Variants in CDH12 observed in about 807,000 individuals in gnomAD.
CDH12 encodes the protein cadherin 12, also known as cadherin-12.
In CDH12, 41 loss-of-function variants were observed where a neutral mutation model predicts 74.1. The ratio of observed to expected loss-of-function variants is 0.55; its 90% CI spans 0.43 to 0.72. The LOEUF (loss-of-function observed/expected upper bound fraction) is 0.72. Ranked by LOEUF, CDH12 falls within the 30% of genes least tolerant of loss-of-function variation. CDH12 has a pLI of 0.00. For synonymous variants in CDH12, 399 were observed against 355.0 expected (o/e 1.12, Z -1.39); for missense variants, 945 against 977.2 (o/e 0.97, Z 0.44).
intron 1 of CDH12, among the ~76,000 whole-genome samples, chr5:22,747,643 A>T (rs1745364695): frequency 6.6e-6 from 1 of 151,608 alleles, no homozygotes; most frequent in African/African-American, 2.4e-5. Context: ...AAGAAAAAAA[A>T]GTAGTAAATA....
chr5:22,174,688 G>A (rs1256849720), intron 4 of CDH12, among the ~76,000 whole-genome samples: 1 of 151,886 alleles, frequency 6.6e-6, no homozygotes, highest in African/African-American at 2.4e-5. Context: ...TTGAGGACAA[G>A]TAAAGACTGA....
chr5:22,374,765 T>G (rs533639412), intron 3 of CDH12, among the ~76,000 whole-genome samples: 17 of 151,976 alleles, frequency 1.1e-4, no homozygotes, highest in Admixed American at 6.6e-4. Context: ...GTGAAAGATT[T>G]CTACAAGGAA....
intron 3 of CDH12, among the ~76,000 whole-genome samples, chr5:22,283,631 T>C (rs574550922): frequency 4.6e-5 from 7 of 152,052 alleles, no homozygotes; most frequent in African/African-American, 1.7e-4. Flanking sequence ...GAAAGAGAAA[T>C]TTTTGTTAAA....
At chr5:21,830,145 G>A (rs752456959) in intron 8 of CDH12, among the ~76,000 whole-genome samples, 2 of 124,596 alleles carry the variant, frequency 1.6e-5, no homozygotes, top group Non-Finnish European at 3.2e-5. Context: ...GTTGCAGTGA[G>A]TCAAGATCCC....
At chr5:22,842,302 C>G (rs1322314267) in intron 1 of CDH12, among the ~76,000 whole-genome samples, 2 of 151,682 alleles carry the variant, frequency 1.3e-5, no homozygotes, top group South Asian at 4.2e-4. Flanking sequence ...TATGCATAGA[C>G]AGCTAAAAAA....
At chr5:22,395,406 T>C (rs1264827689) in intron 3 of CDH12, among the ~76,000 whole-genome samples, 1 of 152,142 alleles carries the variant, frequency 6.6e-6, no homozygotes, top group East Asian at 1.9e-4. Context: ...CTGCCTTTTT[T>C]AGTTGTTAGA....
At chr5:21,931,687 T>A (rs920961421) in intron 6 of CDH12, among the ~76,000 whole-genome samples, 1 of 152,228 alleles carries the variant, frequency 6.6e-6, no homozygotes, top group Non-Finnish European at 1.5e-5. Context: ...ATCCAATTTT[T>A]AAAATATCAT....
At chr5:22,134,469 A>G (rs1272995602) in intron 4 of CDH12, among the ~76,000 whole-genome samples, 4 of 151,748 alleles carry the variant, frequency 2.6e-5, no homozygotes, top group Non-Finnish European at 4.4e-5. Flanking sequence ...TGTGATAGGA[A>G]CTTTTGTCAC....
intron 6 of CDH12, among the ~76,000 whole-genome samples, chr5:21,973,848 C>T (rs1315963967): frequency 6.6e-6 from 1 of 152,112 alleles, no homozygotes; most frequent in African/African-American, 2.4e-5. Flanking sequence ...TGCTTCTTTC[C>T]AATTGGACTT....
intron 5 of CDH12, among the ~76,000 whole-genome samples, chr5:21,989,099 G>A (rs1757642136): frequency 6.6e-6 from 1 of 151,704 alleles, no homozygotes; most frequent in Admixed American, 6.6e-5. Flanking sequence ...GAAGAAAAAA[G>A]GGGAAAAAGA....
intron 1 of CDH12, among the ~76,000 whole-genome samples, chr5:22,688,949 G>A (rs891899829): frequency 3.9e-5 from 6 of 152,056 alleles, no homozygotes; most frequent in South Asian, 2.1e-4. Flanking sequence ...TTGAGCAGGC[G>A]TTAAATGATT....
intron 6 of CDH12, among the ~76,000 whole-genome samples, chr5:21,861,667 T>C (rs1751051471): frequency 1.3e-5 from 2 of 152,096 alleles, no homozygotes; most frequent in African/African-American, 2.4e-5. Context: ...ATTTCCTCTA[T>C]TACAAACAAT....
At chr5:22,684,037 G>A (rs1490038541) in intron 1 of CDH12, among the ~76,000 whole-genome samples, 2 of 152,190 alleles carry the variant, frequency 1.3e-5, no homozygotes, top group South Asian at 4.1e-4. Flanking sequence ...ACCTCAAAGT[G>A]CATCTTTCAA....
intron 1 of CDH12, among the ~76,000 whole-genome samples, chr5:22,816,233 G>A (rs886874015): frequency 7.2e-5 from 11 of 152,078 alleles, no homozygotes; most frequent in Non-Finnish European, 1.3e-4. Context: ...ACTTCTTTGT[G>A]AAAAGTGGTT....
chr5:22,117,512 A>T (rs62349110), intron 4 of CDH12, among the ~76,000 whole-genome samples: 2,897 of 58,388 alleles, frequency 0.05, 80 homozygotes, highest in Non-Finnish European at 0.065. Context: ...ATATATATAT[A>T]ATATATATAT....
intron 6 of CDH12, among the ~76,000 whole-genome samples, chr5:21,953,622 T>C (rs1051815131): frequency 2.0e-5 from 3 of 152,194 alleles, no homozygotes; most frequent in African/African-American, 7.2e-5. Context: ...TTCTCCACTC[T>C]TTGTTTCCAA....
At chr5:22,412,893 T>C (rs1743221016) in intron 2 of CDH12, among the ~76,000 whole-genome samples, 1 of 151,964 alleles carries the variant, frequency 6.6e-6, no homozygotes, top group South Asian at 2.1e-4. Flanking sequence ...TTTTAATGTT[T>C]CCCTTTTTCT....
intron 4 of CDH12, among the ~76,000 whole-genome samples, chr5:22,082,099 A>G (rs934832519): frequency 3.0e-4 from 45 of 152,256 alleles, no homozygotes; most frequent in African/African-American, 1.0e-3. Context: ...TTTCCATCTT[A>G]ACTAAGCCCA....
chr5:22,319,722 A>G (rs1272503239), intron 3 of CDH12, among the ~76,000 whole-genome samples: 1 of 152,134 alleles, frequency 6.6e-6, no homozygotes, highest in South Asian at 2.1e-4. Context: ...TGTTTATTAC[A>G]GGGGTATATG....
Sources: gnomAD v4.1 joint callset for allele counts (sites outside exome capture counted in the v4.1 genomes callset) on GRCh38, gnomAD v4.1.1 for gene constraint, MANE v1.5 for transcripts, NCBI Gene and HGNC (gene_info 2026-07-23, HGNC 2026-07-21) for gene names.